MRS2: variants seen among roughly 807,000 people sequenced by gnomAD.
MRS2 encodes magnesium transporter MRS2, also known as magnesium transporter MRS2 homolog, mitochondrial.
Under a neutral mutation model 52.6 loss-of-function variants are expected in MRS2, and 40 were observed. That is an observed-to-expected ratio of 0.76 (90% CI 0.59 to 0.99). The LOEUF is 0.99. Among genes scored for constraint, MRS2 ranks in the 50% least tolerant of loss-of-function variants. The pLI, the probability that MRS2 is intolerant of heterozygous loss-of-function variation, is 0.00. For missense variants in MRS2, 472 were observed against 532.7 expected (o/e 0.89, Z 1.12); for synonymous variants, 193 against 195.9 (o/e 0.98, Z 0.13).
chr6:24,417,739 C>T (rs1005546913), intron 7 of MRS2, among the ~76,000 whole-genome samples: 4 of 152,052 alleles, frequency 2.6e-5, no homozygotes, highest in Admixed American at 6.5e-5. Context: ...GTCAGGAGTT[C>T]GAGACCAGCC....
chr6:24,403,749 G>A (rs895737781), intron 1 of MRS2, among the ~76,000 whole-genome samples: 1 of 152,166 alleles, frequency 6.6e-6, no homozygotes, highest in Non-Finnish European at 1.5e-5. Flanking sequence ...GATTTCATCT[G>A]TTCGGAAGTC....
At chr6:24,417,281 T>C (rs1167289507) in intron 7 of MRS2, among the ~76,000 whole-genome samples, 1 of 152,228 alleles carries the variant, frequency 6.6e-6, no homozygotes, top group East Asian at 1.9e-4. Flanking sequence ...TTCAGAGTAC[T>C]TCATTCCCCC....
chr6:24,421,092 C>A (rs78080290), intron 9 of MRS2, among the ~76,000 whole-genome samples: 1 of 152,096 alleles, frequency 6.6e-6, no homozygotes, highest in East Asian at 1.9e-4. Context: ...ACAGGACTTT[C>A]TCTACAAGTC....
chr6:24,423,820 T>C lies in MRS2; in HGVS notation c.*126T>C, dbSNP rs1372337393. The C allele has an allele frequency of 1.6e-5, 7 of 446,670 alleles. No homozygotes were observed. The Middle Eastern group carries it at 1.0e-3, about 65-fold the overall frequency. The allele number at this position is 446,670 out of a possible 1,614,324, so 27.7% of individuals were successfully genotyped here. ...AACTAATGTTTGAAGACAAAAATAT[T>C]TTGGCAGTCACAATACCAGAACTGG... On this transcript the variant is annotated 3_prime_UTR_variant, in exon 11 of 11. Coordinates refer to ENST00000378386, the MANE Select transcript of MRS2 (RefSeq NM_020662.4).
intron 1 of MRS2, among the ~76,000 whole-genome samples, chr6:24,404,250 T>G (rs1020547775): frequency 1.3e-4 from 19 of 151,398 alleles, no homozygotes; most frequent in African/African-American, 4.3e-4. Context: ...AGGAAACTTT[T>G]AGGACAAGCA....
At chr6:24,418,346 T>C in intron 8 of MRS2, 110 bp downstream of exon 8, 1 of 1,212,906 alleles carries the variant, frequency 8.2e-7, no homozygotes, top group East Asian at 2.9e-5. Flanking sequence ...TATACTACAT[T>C]ATTATTATTT....
chr6:24,425,706 C>T lies in MRS2; in HGVS notation c.*2012C>T, dbSNP rs368176677. ...GTGAGTAAGCAATCATATCGCCTGTCAAACACATCAAGTGTCGAACACGTC... is the reference window on the plus strand; with the variant it reads ...GTGAGTAAGCAATCATATCGCCTGTTAAACACATCAAGTGTCGAACACGTC... On this transcript the variant is annotated 3_prime_UTR_variant, in exon 11 of 11. Coordinates refer to ENST00000378386, the MANE Select transcript of MRS2 (RefSeq NM_020662.4). 23 of 152,180 alleles carry T rather than the reference C, an allele frequency of 1.5e-4. No individual in the cohort carries two copies. The highest frequency in any genetic ancestry group is 4.8e-4 in the African/African-American group (20 of 41,448). 9.4% of individuals were successfully genotyped at this position (152,180 alleles called of 1,614,324 possible).
rs759814859 is a variant in MRS2, at chr6:24,422,943, A to G, written c.1114A>G (p.Arg372Gly). 6.2e-7 allele frequency: 1 copy of G among 1,612,726 alleles called. No individual in the cohort carries two copies. Among genetic ancestry groups the G allele is most frequent in the Admixed American group, 1.7e-5 (1 of 59,884 alleles). The change falls in exon 10 of 11, where the codon AGA (arginine) becomes GGA (glycine). Residue 372 changes from arginine (R) to glycine (G), a missense_variant. By Grantham distance (125) the Arg-to-Gly change is moderately radical. Coordinates refer to ENST00000378386, the MANE Select transcript of MRS2 (RefSeq NM_020662.4). Reference sequence around the variant, plus strand: ...GAACTGTGTTCTCTTTTAGGACCATAGAATTTTTTGGCTGATTACAGGAAT... The same window carrying G: ...GAACTGTGTTCTCTTTTAGGACCATGGAATTTTTTGGCTGATTACAGGAAT... ...NLESSLEEDH[R>G]IFWLITGIMF... is the part of the protein sequence containing the mutation.
At chr6:24,421,338 A>G (rs1762034882) in intron 9 of MRS2, among the ~76,000 whole-genome samples, 1 of 152,240 alleles carries the variant, frequency 6.6e-6, no homozygotes, top group African/African-American at 2.4e-5. Context: ...GCTCAGTAGT[A>G]GGCTGAAAAG....
intron 1 of MRS2, among the ~76,000 whole-genome samples, chr6:24,403,561 C>A (rs1027438196): frequency 6.6e-6 from 1 of 152,146 alleles, no homozygotes; most frequent in African/African-American, 2.4e-5. Flanking sequence ...AGTTAACACC[C>A]GCTTAAGTGC....
At chr6:24,405,940 C>T (rs1442268179) in intron 2 of MRS2, among the ~76,000 whole-genome samples, 1 of 151,680 alleles carries the variant, frequency 6.6e-6, no homozygotes, top group Non-Finnish European at 1.5e-5. Context: ...CCCATCTCTA[C>T]TAAAAATACA....
intron 8 of MRS2, 103 bp downstream of exon 8, chr6:24,418,339 A>G (rs1761924724): frequency 1.3e-6 from 2 of 1,506,534 alleles, no homozygotes; most frequent in South Asian, 1.4e-5. Context: ...TATCATCTAT[A>G]CTACATTATT....
chr6:24,420,703 G>A (rs941021397), intron 9 of MRS2, among the ~76,000 whole-genome samples: 1 of 152,194 alleles, frequency 6.6e-6, no homozygotes, highest in African/African-American at 2.4e-5. Context: ...CAAGGAAGAT[G>A]TAAGGCGGTA....
rs1180199006 is a variant in MRS2 at position 24,413,973 on chromosome 6, TTA to T, written c.589-1058_589-1057del. Reference sequence around the variant, plus strand: ...TATTTTTGACTTTACTCTGATATGTTTATGTTTTAAAGCTCAAGTTTTTATTT... The same window carrying T: ...TATTTTTGACTTTACTCTGATATGTTTGTTTTAAAGCTCAAGTTTTTATTT... On this transcript the variant is annotated intron_variant, in intron 5 of 10. Coordinates refer to ENST00000378386, the MANE Select transcript of MRS2 (RefSeq NM_020662.4). 3.9e-5 allele frequency among the ~76,000 whole-genome samples: 6 copies of T among 152,240 alleles called. No individual in the cohort carries two copies. In the East Asian group the frequency reaches 9.6e-4, roughly 24 times the overall value.
rs149017123 is a variant in MRS2, at chr6:24,405,589, A to T, written c.264+348A>T. Among the ~76,000 whole-genome samples the T allele has an allele frequency of 2.6e-5, 4 of 151,740 alleles. No homozygotes were observed. The East Asian group carries it at 7.8e-4, about 30-fold the overall frequency. On this transcript the variant is annotated intron_variant, in intron 2 of 10. Transcript: ENST00000378386. ...TTAAAAATGCATGCTTTGAAAGGTC[A>T]TGATCTCTAACTTTTCTCTGAAATG...
chr6:24,416,895 A>G (rs1417922743), intron 7 of MRS2, among the ~76,000 whole-genome samples: 1 of 152,254 alleles, frequency 6.6e-6, no homozygotes, highest in African/African-American at 2.4e-5. Context: ...AACATGGATT[A>G]TGTAAGTTCA....
intron 10 of MRS2, chr6:24,423,310 C>A: frequency 2.1e-6 from 1 of 479,534 alleles, no homozygotes. Flanking sequence ...TTGTGTAGAA[C>A]TCTGACAACA....
chr6:24,421,160 T>G (rs1279420453), intron 9 of MRS2, among the ~76,000 whole-genome samples: 1 of 152,208 alleles, frequency 6.6e-6, no homozygotes, highest in Admixed American at 6.5e-5. Flanking sequence ...ATCTACAAGC[T>G]AACTCCATTT....
intron 4 of MRS2, among the ~76,000 whole-genome samples, chr6:24,411,616 G>A (rs1435909853): frequency 1.3e-5 from 2 of 152,182 alleles, no homozygotes; most frequent in Non-Finnish European, 2.9e-5. Flanking sequence ...TCAGCTCACT[G>A]CAAACTCCGC....
Sources: allele counts gnomAD v4.1 joint callset (sites outside exome capture counted in the v4.1 genomes callset), GRCh38; gene constraint gnomAD v4.1.1; transcripts MANE v1.5; gene names NCBI Gene and HGNC (gene_info 2026-07-23, HGNC 2026-07-21).